Variants in PCDHGB1 observed in about 807,000 individuals in gnomAD.
The protein encoded by PCDHGB1 is protocadherin gamma subfamily B, 1, also known as protocadherin gamma-B1.
A neutral mutation model predicts 56.6 loss-of-function variants in PCDHGB1; 34 were observed. That is an observed-to-expected ratio of 0.60 (90% CI 0.46 to 0.80). The LOEUF (loss-of-function observed/expected upper bound fraction) is 0.80, where lower values mean the gene tolerates loss of function less well. PCDHGB1 is among the 30% of genes least tolerant of loss of function. The pLI, the probability that PCDHGB1 is intolerant of heterozygous loss-of-function variation, is 0.00. For missense variants in PCDHGB1, 1,278 were observed against 1,204.6 expected (o/e 1.06, Z -0.90); for synonymous variants, 561 against 505.9 (o/e 1.11, Z -1.46).
chr5:141,439,531 G>T (rs1474855779), intron 1 of PCDHGB1, among the ~76,000 whole-genome samples: 1 of 152,126 alleles, frequency 6.6e-6, no homozygotes, highest in Non-Finnish European at 1.5e-5. Context: ...TCTACAGAAC[G>T]CTGTCCTCTC....
At chr5:141,406,002 A>G (rs1348687108) in intron 1 of PCDHGB1, among the ~76,000 whole-genome samples, 1 of 151,598 alleles carries the variant, frequency 6.6e-6, no homozygotes, top group Non-Finnish European at 1.5e-5. Flanking sequence ...CTCAGCCTGC[A>G]TTGATGTGGG....
intron 1 of PCDHGB1, chr5:141,409,728 C>T: frequency 6.2e-7 from 1 of 1,613,134 alleles, no homozygotes; most frequent in Non-Finnish European, 8.5e-7. Flanking sequence ...TCAGTGAGCG[C>T]GCAGAGCGGG....
Position 141,351,751 on chromosome 5 carries a change from G to T in PCDHGB1, c.1491G>T (p.Leu497=). ...CCAGTGACCTGGAGCCGCGGGAGCT[G>T]TTGTCCTACGTGTCCGTGAGCCCGC... ...ILASDLEPRE[L]LSYVSVSPQS... Residue 497 remains leucine, a synonymous_variant, in exon 1 of 4, where the codon CTG becomes CTT. Coordinates refer to ENST00000523390, the MANE Select transcript of PCDHGB1 (RefSeq NM_018922.3). 1.2e-6 allele frequency: 2 copies of T among 1,613,642 alleles called. No individual in the cohort carries two copies. The highest frequency in any genetic ancestry group is 1.7e-6 in the Non-Finnish European group (2 of 1,179,900).
intron 3 of PCDHGB1, among the ~76,000 whole-genome samples, chr5:141,509,766 G>A (rs1176830940): frequency 6.6e-6 from 1 of 152,104 alleles, no homozygotes; most frequent in Non-Finnish European, 1.5e-5. Flanking sequence ...TCCCTGAGAT[G>A]TCTAGTCCCC....
At chr5:141,400,685 T>G in intron 1 of PCDHGB1, 1 of 827,408 alleles carries the variant, frequency 1.2e-6, no homozygotes, top group South Asian at 1.8e-5. Context: ...AAATTGTGAG[T>G]TTTTATGTCG....
intron 1 of PCDHGB1, chr5:141,408,377 C>A: frequency 6.2e-7 from 1 of 1,614,020 alleles, no homozygotes; most frequent in Non-Finnish European, 8.5e-7. Flanking sequence ...GCTCAGTGTC[C>A]TGGATGTGTC....
chr5:141,396,025 T>G (rs1486088514), intron 1 of PCDHGB1: 4 of 152,248 alleles, frequency 2.6e-5, no homozygotes, highest in African/African-American at 2.4e-5. Context: ...TTGTAAAATA[T>G]GTAAGAACAT....
chr5:141,360,392 T>G (rs765496414), intron 1 of PCDHGB1: 106 of 1,613,788 alleles, frequency 6.6e-5, no homozygotes, highest in Non-Finnish European at 8.9e-5. Context: ...GACTTACTTG[T>G]GAGTGACAGA....
At chr5:141,387,298 A>G (rs2090894771) in intron 1 of PCDHGB1, among the ~76,000 whole-genome samples, 1 of 152,244 alleles carries the variant, frequency 6.6e-6, no homozygotes, top group Admixed American at 6.5e-5. Context: ...AAATGTATCC[A>G]GTATATTTCT....
intron 1 of PCDHGB1, chr5:141,408,845 T>C (rs560368079): frequency 1.9e-6 from 3 of 1,613,670 alleles, no homozygotes; most frequent in Non-Finnish European, 8.5e-7. Flanking sequence ...ATTGACTGCC[T>C]TGGACGGAGG....
intron 3 of PCDHGB1, 122 bp downstream of exon 3, chr5:141,505,603 G>A (rs900982128): frequency 6.5e-7 from 1 of 1,534,594 alleles, no homozygotes; most frequent in African/African-American, 1.4e-5. Flanking sequence ...TCTTTCGGCA[G>A]GTCTGAAAGG....
rs532907359 is a variant in PCDHGB1, at chr5:141,500,353, C to T, written c.2469-5040C>T. 1.9e-4 allele frequency among the ~76,000 whole-genome samples: 29 copies of T among 152,052 alleles called. No homozygotes were observed. The East Asian group carries it at 5.2e-3, about 27-fold the overall frequency. The stretch of plus-strand genomic sequence containing the variant: ...CCTCCAGAATAGCTGGGACTACAGG[C>T]GCCCACTACCACGCCCGGCTAATTA... On this transcript the variant is annotated intron_variant, in intron 2 of 3. Transcript: ENST00000523390.
rs145025535 is a variant in PCDHGB1 at position 141,457,569 on chromosome 5, T to A, written c.2410-37238T>A. 2.5e-3 allele frequency among the ~76,000 whole-genome samples: 376 copies of A among 152,304 alleles called. 1 individual carries two copies. Among genetic ancestry groups the A allele is most frequent in the African/African-American group, 8.6e-3 (357 of 41,554 alleles). On this transcript the variant is annotated intron_variant, in intron 1 of 3. Transcript: ENST00000523390. Reference sequence around the variant, plus strand: ...TGTATGATAAGCTTTGGAGCAAAATTTTTCTCTCCAGTCCTCATTTTTGGT... The same window carrying A: ...TGTATGATAAGCTTTGGAGCAAAATATTTCTCTCCAGTCCTCATTTTTGGT...
chr5:141,428,029 C>G, intron 1 of PCDHGB1: 2 of 1,607,160 alleles, frequency 1.2e-6, no homozygotes, highest in Non-Finnish European at 1.7e-6. Flanking sequence ...GCCGCAGAGT[C>G]CGGCTACCTG....
intron 1 of PCDHGB1, among the ~76,000 whole-genome samples, chr5:141,434,259 G>A (rs1452016594): frequency 6.6e-6 from 1 of 152,230 alleles, no homozygotes; most frequent in Non-Finnish European, 1.5e-5. Flanking sequence ...CATTGTGGGG[G>A]AGGTGGAAAT....
chr5:141,482,995 G>A (rs1395482427), intron 1 of PCDHGB1, among the ~76,000 whole-genome samples: 1 of 152,048 alleles, frequency 6.6e-6, no homozygotes, highest in Non-Finnish European at 1.5e-5. Flanking sequence ...CGAGGCAGGA[G>A]AATTGCTTGA....
rs762232178 is a variant in PCDHGB1 at position 141,355,403 on chromosome 5, C to G, written c.2409+2734C>G. 45 of 1,613,938 alleles carry G rather than the reference C, an allele frequency of 2.8e-5. No homozygotes were observed. Among genetic ancestry groups the G allele is most frequent in the Non-Finnish European group, 3.6e-5 (43 of 1,179,932 alleles). On this transcript the variant is annotated intron_variant, in intron 1 of 3. Transcript: ENST00000523390. ...GCGGAGCGCGGAGTCCGCATCGTCT[C>G]CAGAGGTAGGACGCAGCTTTTCGCC...
chr5:141,495,817 T>G (rs2099764054), intron 2 of PCDHGB1, among the ~76,000 whole-genome samples: 1 of 152,110 alleles, frequency 6.6e-6, no homozygotes, highest in African/African-American at 2.4e-5. Context: ...TAGCGCCTTG[T>G]GTTCTTCTAT....
intron 2 of PCDHGB1, among the ~76,000 whole-genome samples, chr5:141,503,608 AAAAAAAG>A (rs1483073868): frequency 3.3e-5 from 5 of 151,876 alleles, no homozygotes; most frequent in South Asian, 2.1e-4. Context: ...CAAAAAAAAA[AAAAAAAG>A]AAAAAAGAAA....
Sources: gnomAD v4.1 joint callset for allele counts (sites outside exome capture counted in the v4.1 genomes callset) on GRCh38, gnomAD v4.1.1 for gene constraint, MANE v1.5 for transcripts, NCBI Gene and HGNC (gene_info 2026-07-23, HGNC 2026-07-21) for gene names.